The following FAM20C variants were observed in gnomAD, a reference collection of about 807,000 sequenced individuals.
The protein encoded by FAM20C is extracellular serine/threonine protein kinase FAM20C.
A neutral mutation model predicts 51.5 loss-of-function variants in FAM20C; 40 were observed. The observed-to-expected ratio is 0.78, with a 90% CI of 0.60 to 1.01. The LOEUF is 1.01. FAM20C is among the 50% of genes least tolerant of loss of function. The pLI, the probability that FAM20C is intolerant of heterozygous loss-of-function variation, is 0.00. For synonymous variants in FAM20C, 406 were observed against 380.6 expected (o/e 1.07, Z -0.78); for missense variants, 861 against 844.7 (o/e 1.02, Z -0.24).
chr7:229,130 A>G (rs1787563787), intron 3 of FAM20C: 6 of 331,602 alleles, frequency 1.8e-5, no homozygotes, highest in Non-Finnish European at 3.0e-5. Flanking sequence ...CTTCACGTCC[A>G]GATGAGGTCT....
At chr7:253,224 T>C (rs1162654436) in intron 5 of FAM20C, among the ~76,000 whole-genome samples, 1 of 152,134 alleles carries the variant, frequency 6.6e-6, no homozygotes, top group African/African-American at 2.4e-5. Flanking sequence ...CCCGCAGCTG[T>C]CCAGGGCACA....
intron 3 of FAM20C, among the ~76,000 whole-genome samples, chr7:240,673 G>A (rs1257918305): frequency 6.6e-6 from 1 of 152,166 alleles, no homozygotes; most frequent in East Asian, 1.9e-4. Flanking sequence ...TGAAACACCT[G>A]TTCGGAAGCA....
chr7:222,063 A>G lies in FAM20C; in HGVS notation c.863+13087A>G, dbSNP rs1175599150. ...CACAGGGCGGAGCCTCGTCTCCAGC[A>G]GGGCAGGGGGCTGCAGGAGCCGTTC... On this transcript the variant is annotated intron_variant, in intron 3 of 9. Coordinates refer to ENST00000313766, the MANE Select transcript of FAM20C (RefSeq NM_020223.4). Among the ~76,000 whole-genome samples the G allele has an allele frequency of 4.8e-5, 5 of 103,496 alleles. No homozygotes were observed. The East Asian group carries it at 1.3e-3, about 26-fold the overall frequency. The allele number at this position is 103,496 out of a possible 152,430, so 67.9% of individuals were successfully genotyped here.
At chr7:216,698 T>TGTGA (rs1562376398) in intron 3 of FAM20C, among the ~76,000 whole-genome samples, 22 of 136,572 alleles carry the variant, frequency 1.6e-4, no homozygotes, top group African/African-American at 3.8e-4. Flanking sequence ...TGTGTGTGTG[T>TGTGA]GAGACAGAGT....
intron 2 of FAM20C, among the ~76,000 whole-genome samples, chr7:205,300 C>T (rs1440113535): frequency 6.9e-6 from 1 of 145,680 alleles, no homozygotes; most frequent in Non-Finnish European, 1.5e-5. Flanking sequence ...GGACACGCAC[C>T]ACCACGACGT....
chr7:256,148 G>C, intron 6 of FAM20C, 119 bp downstream of exon 6: 2 of 1,233,978 alleles, frequency 1.6e-6, no homozygotes, highest in Non-Finnish European at 2.2e-6. Context: ...AGAGCCTGCT[G>C]TGCGATGCTG....
Position 257,036 on chromosome 7 carries a change from TG to T in FAM20C, c.1396del (p.Glu466ArgfsTer12). On this transcript the variant is annotated frameshift_variant, in exon 8 of 10. Coordinates refer to ENST00000313766, the MANE Select transcript of FAM20C (RefSeq NM_020223.4). LOFTEE classifies it high-confidence loss of function. ...TGGACCGTCACCACTACGAGACTTT[TG>T]AGAAGTTTGGGAATGAAACGTTCAT... ...NMDRHHYETF[E>X]KFGNETFIIH... 1 of 1,537,140 alleles carries T rather than the reference TG, an allele frequency of 6.5e-7. No individual in the cohort carries two copies. Among genetic ancestry groups the T allele is most frequent in the East Asian group, 2.4e-5 (1 of 40,910 alleles).
intron 8 of FAM20C, among the ~76,000 whole-genome samples, chr7:258,114 T>C (rs370091499): frequency 5.6e-3 from 410 of 73,006 alleles, no homozygotes; most frequent in African/African-American, 0.025. Flanking sequence ...GCCCGGGGTG[T>C]TGGAGATAGG....
In FAM20C at chr7:206,557, G is replaced by A. The variant is rs1054393943; in HGVS notation, c.785-2341G>A. On this transcript the variant is annotated intron_variant, in intron 2 of 9. Transcript: ENST00000313766. ...GCCCTGCACACGTGTCCACTGTGAC[G>A]CGTCGGTCACTGTCCCCTCAGCCCC... is the stretch of plus-strand genomic sequence containing the variant. Among the ~76,000 whole-genome samples, 4 of 55,662 alleles carry A rather than the reference G, an allele frequency of 7.2e-5. 1 individual carries two copies. The highest frequency in any genetic ancestry group is 3.5e-4 in the Admixed American group (2 of 5,736). 36.5% of individuals were successfully genotyped at this position (55,662 alleles called of 152,430 possible).
At chr7:208,568 G>A (rs556422434) in intron 2 of FAM20C, among the ~76,000 whole-genome samples, 1 of 88,288 alleles carries the variant, frequency 1.1e-5, no homozygotes, top group African/African-American at 3.1e-5. Flanking sequence ...GTGTGGGTGT[G>A]TACATGGCTG....
chr7:254,543 G>A (rs575380771), intron 5 of FAM20C, among the ~76,000 whole-genome samples: 5 of 152,344 alleles, frequency 3.3e-5, no homozygotes, highest in East Asian at 1.9e-4. Context: ...CAGTGAACCC[G>A]CACTGCTAGC....
At chr7:205,782 C>A (rs1786351647) in intron 2 of FAM20C, among the ~76,000 whole-genome samples, 1 of 152,196 alleles carries the variant, frequency 6.6e-6, no homozygotes, top group Admixed American at 6.5e-5. Context: ...CCCCGTGCTC[C>A]TGGCCTTCCT....
At chr7:211,826 C>T (rs576442436) in intron 3 of FAM20C, among the ~76,000 whole-genome samples, 3 of 152,332 alleles carry the variant, frequency 2.0e-5, no homozygotes, top group East Asian at 3.9e-4. Context: ...TCCGGGACTC[C>T]GTCTTCCCAC....
At chr7:209,799 T>C (rs904088056) in intron 3 of FAM20C, among the ~76,000 whole-genome samples, 1 of 152,258 alleles carries the variant, frequency 6.6e-6, no homozygotes, top group African/African-American at 2.4e-5. Flanking sequence ...TGGTGGTAAC[T>C]AATTCAGAAG....
chr7:254,755 C>CCGTT (rs1188720083), intron 5 of FAM20C, among the ~76,000 whole-genome samples: 18 of 152,336 alleles, frequency 1.2e-4, no homozygotes, highest in African/African-American at 3.6e-4. Context: ...CAGGCGGTCA[C>CCGTT]CGTTCCTCAC....
intron 3 of FAM20C, among the ~76,000 whole-genome samples, chr7:226,444 C>T (rs891275111): frequency 1.3e-5 from 2 of 152,172 alleles, no homozygotes; most frequent in African/African-American, 4.8e-5. Context: ...AGAGTCCCAG[C>T]GCTTACCAGC....
chr7:194,981 C>T (rs1276654299), intron 1 of FAM20C, among the ~76,000 whole-genome samples: 5 of 152,250 alleles, frequency 3.3e-5, no homozygotes, highest in African/African-American at 1.2e-4. Flanking sequence ...GGAGCCTGGG[C>T]TGGAGAGAGT....
chr7:224,343 TCTCTCACG>T (rs1562381334), intron 3 of FAM20C, among the ~76,000 whole-genome samples: 6 of 27,596 alleles, frequency 2.2e-4, no homozygotes, highest in Non-Finnish European at 4.0e-4. Context: ...CCCTGAGCCT[TCTCTCACG>T]GAGCAGAACG....
At chr7:209,718 T>C (rs905650229) in intron 3 of FAM20C, among the ~76,000 whole-genome samples, 2 of 152,208 alleles carry the variant, frequency 1.3e-5, no homozygotes, top group Admixed American at 6.5e-5. Context: ...CACTAGATCT[T>C]GGCCATCTGG....
Sources: allele counts gnomAD v4.1 joint callset (sites outside exome capture counted in the v4.1 genomes callset), GRCh38; gene constraint gnomAD v4.1.1; transcripts MANE v1.5; gene names NCBI Gene and HGNC (gene_info 2026-07-23, HGNC 2026-07-21).